The following NCAM2 variants were observed in gnomAD, a reference collection of about 807,000 sequenced individuals.
The protein encoded by NCAM2 is N-CAM-2.
Under a neutral mutation model 98.1 loss-of-function variants are expected in NCAM2, and 30 were observed. The observed-to-expected ratio is 0.31, with a 90% confidence interval of 0.23 to 0.41. NCAM2 has a LOEUF of 0.41. NCAM2 is among the 10% of genes least tolerant of loss of function. NCAM2 has a pLI of 1.00. For synonymous variants in NCAM2, 368 were observed against 342.4 expected, an observed-to-expected ratio of 1.07 and a Z score of -0.83; for missense variants, 867 against 1,005.8, an observed-to-expected ratio of 0.86 and a Z score of 1.87.
intron 17 of NCAM2, 75 bp downstream of exon 17, chr21:21,534,731 A>G (rs578032926): frequency 8.3e-7 from 1 of 1,205,800 alleles, no homozygotes; most frequent in Non-Finnish European, 1.1e-6. Flanking sequence ...TTGTTGTATT[A>G]CATATTTAAA....
chr21:21,414,450 T>A (rs2076946464), intron 10 of NCAM2, among the ~76,000 whole-genome samples: 1 of 150,216 alleles, frequency 6.7e-6, no homozygotes, highest in Admixed American at 6.7e-5. Flanking sequence ...CCTTAAATAT[T>A]GTATTTCTGT....
chr21:21,023,505 C>T (rs1043698352), intron 1 of NCAM2, among the ~76,000 whole-genome samples: 1 of 147,892 alleles, frequency 6.8e-6, no homozygotes, highest in Non-Finnish European at 1.5e-5. Flanking sequence ...GTCTGGGTGA[C>T]AGAGTGAGAC....
intron 10 of NCAM2, among the ~76,000 whole-genome samples, chr21:21,417,405 G>A (rs1602277182): frequency 1.3e-5 from 2 of 151,988 alleles, no homozygotes; most frequent in South Asian, 4.1e-4. Context: ...ACTAGAAAAC[G>A]AATGACACAG....
chr21:21,132,859 A>G (rs1178884126), intron 1 of NCAM2, among the ~76,000 whole-genome samples: 1 of 152,236 alleles, frequency 6.6e-6, no homozygotes, highest in African/African-American at 2.4e-5. Context: ...AATAGAACCC[A>G]GCACTCTAGA....
chr21:21,407,084 T>G (rs1045382890), intron 9 of NCAM2, among the ~76,000 whole-genome samples: 2 of 152,188 alleles, frequency 1.3e-5, no homozygotes, highest in Non-Finnish European at 2.9e-5. Context: ...AATGACTATT[T>G]TTGGTACACC....
intron 5 of NCAM2, among the ~76,000 whole-genome samples, chr21:21,311,767 C>T (rs529527064): frequency 1.5e-5 from 2 of 132,704 alleles, no homozygotes; most frequent in African/African-American, 5.6e-5. Flanking sequence ...AGTTTTGGAG[C>T]TGTTGTACAT....
intron 8 of NCAM2, among the ~76,000 whole-genome samples, chr21:21,356,814 AAT>A (rs1255506374): frequency 6.6e-6 from 1 of 152,012 alleles, no homozygotes; most frequent in Non-Finnish European, 1.5e-5. Flanking sequence ...AACATGGAGA[AAT>A]CCCATCTCTA....
intron 1 of NCAM2, among the ~76,000 whole-genome samples, chr21:21,198,184 ATGTG>A (rs10600265): frequency 0.066 from 9,682 of 146,190 alleles, 372 homozygotes; most frequent in East Asian, 0.14. Context: ...TGTAAAGTAT[ATGTG>A]TGTGTGTGTG....
Position 21,461,025 on chromosome 21 carries a change from G to A in NCAM2, c.1655-5581G>A, listed in dbSNP as rs759154144. Among the ~76,000 whole-genome samples, 19 of 151,616 alleles carry A rather than the reference G, an allele frequency of 1.3e-4. No individual in the cohort carries two copies. The South Asian group carries it at 1.9e-3, about 15-fold the overall frequency. Reference sequence around the variant, plus strand: ...GCAATTTTGTGAGTGAAAAAATTTAGCAATTTTCTGGTTATCTGACATCAT... The same window carrying A: ...GCAATTTTGTGAGTGAAAAAATTTAACAATTTTCTGGTTATCTGACATCAT... On this transcript the variant is annotated intron_variant, in intron 12 of 17. Coordinates refer to ENST00000400546, the MANE Select transcript of NCAM2 (RefSeq NM_004540.5).
At chr21:21,164,108 T>G (rs2067876953) in intron 1 of NCAM2, among the ~76,000 whole-genome samples, 1 of 152,186 alleles carries the variant, frequency 6.6e-6, no homozygotes, top group Non-Finnish European at 1.5e-5. Flanking sequence ...CAGGTGGCAC[T>G]AAATTCAATT....
intron 1 of NCAM2, among the ~76,000 whole-genome samples, chr21:21,071,274 G>A (rs968395996): frequency 1.3e-5 from 2 of 152,140 alleles, no homozygotes; most frequent in Non-Finnish European, 2.9e-5. Context: ...GGAATGAAGG[G>A]AACAAATGAG....
intron 12 of NCAM2, among the ~76,000 whole-genome samples, chr21:21,438,699 A>G (rs1978765501): frequency 6.6e-6 from 1 of 152,180 alleles, no homozygotes; most frequent in African/African-American, 2.4e-5. Context: ...CATACACCTC[A>G]CTGGCCACTT....
At chr21:21,430,271 G>A (rs531558972) in intron 11 of NCAM2, among the ~76,000 whole-genome samples, 11 of 151,462 alleles carry the variant, frequency 7.3e-5, no homozygotes, top group South Asian at 2.1e-4. Context: ...CAAGTAATCC[G>A]CCCACCTCAG....
At chr21:21,451,079 G>T (rs1017948499) in intron 12 of NCAM2, among the ~76,000 whole-genome samples, 3 of 151,952 alleles carry the variant, frequency 2.0e-5, no homozygotes, top group Admixed American at 6.6e-5. Context: ...GCTCATACAG[G>T]TATTTTGCCA....
chr21:21,247,450 T>C (rs933791495), intron 1 of NCAM2, among the ~76,000 whole-genome samples: 2 of 152,260 alleles, frequency 1.3e-5, no homozygotes, highest in Non-Finnish European at 2.9e-5. Context: ...AGATCTCTTT[T>C]ATCTTAGAAT....
intron 1 of NCAM2, among the ~76,000 whole-genome samples, chr21:21,144,233 C>T (rs1197849726): frequency 6.6e-6 from 1 of 151,768 alleles, no homozygotes; most frequent in Non-Finnish European, 1.5e-5. Context: ...CCTGTAATCC[C>T]TGCTACTCAG....
Position 21,178,514 on chromosome 21 carries a change from A to T in NCAM2, c.56-102064A>T, listed in dbSNP as rs190801572. On this transcript the variant is annotated intron_variant, in intron 1 of 17. Transcript: ENST00000400546. Reference sequence around the variant, plus strand: ...TCTGATTATTTTTCCAGAGAAGCAGATATTTTCTATGAAAGGAATTTAATA... The same window carrying T: ...TCTGATTATTTTTCCAGAGAAGCAGTTATTTTCTATGAAAGGAATTTAATA... Among the ~76,000 whole-genome samples, 14 of 152,216 alleles carry T rather than the reference A, an allele frequency of 9.2e-5. No individual in the cohort carries two copies. In the East Asian group the frequency reaches 2.7e-3, roughly 29 times the overall value.
At position 21,371,078 on chromosome 21, in the gene NCAM2, A is replaced by G. The variant is rs555956794; in HGVS notation, c.1045-2785A>G. Among the ~76,000 whole-genome samples the G allele has an allele frequency of 9.2e-5, 14 of 151,964 alleles. No individual in the cohort carries two copies. The East Asian group carries it at 2.7e-3, about 29-fold the overall frequency. Reference sequence around the variant, plus strand: ...TGGTAATTATACAAGAGGTCAGCTCATGAAATTGAAATAAGAGGAAGATTA... The same window carrying G: ...TGGTAATTATACAAGAGGTCAGCTCGTGAAATTGAAATAAGAGGAAGATTA... On this transcript the variant is annotated intron_variant, in intron 8 of 17. Coordinates refer to ENST00000400546, the MANE Select transcript of NCAM2 (RefSeq NM_004540.5).
intron 1 of NCAM2, among the ~76,000 whole-genome samples, chr21:21,132,969 A>G (rs57277009): frequency 0.38 from 58,375 of 151,918 alleles, 11,286 homozygotes; most frequent in East Asian, 0.42. Flanking sequence ...TTATACATAG[A>G]TCCTTAAACA....
Sources: gnomAD v4.1 joint callset for allele counts (sites outside exome capture counted in the v4.1 genomes callset) on GRCh38, gnomAD v4.1.1 for gene constraint, MANE v1.5 for transcripts, NCBI Gene and HGNC (gene_info 2026-07-23, HGNC 2026-07-21) for gene names.